Variants in BLM observed in about 807,000 individuals in gnomAD.
BLM encodes the protein BLM RecQ like helicase.
A neutral mutation model predicts 135.3 loss-of-function variants in BLM; 95 were observed. The observed-to-expected ratio is 0.70, with a 90% CI of 0.59 to 0.83. The LOEUF is 0.83. BLM is among the 40% of genes least tolerant of loss of function. The pLI is 0.00. For synonymous variants in BLM, 520 were observed against 589.2 expected (o/e 0.88, Z 1.70); for missense variants, 1,518 against 1,663.9 (o/e 0.91, Z 1.53).
intron 12 of BLM, among the ~76,000 whole-genome samples, chr15:90,774,540 A>C (rs751380739): frequency 6.6e-6 from 1 of 151,946 alleles, no homozygotes; most frequent in Non-Finnish European, 1.5e-5. Flanking sequence ...TCTGTTATAA[A>C]AGTACAGGTC....
At chr15:90,743,376 G>C (rs867809976) in intron 1 of BLM, among the ~76,000 whole-genome samples, 8 of 152,256 alleles carry the variant, frequency 5.3e-5, no homozygotes, top group Middle Eastern at 3.4e-3. Context: ...GATTCTTGTG[G>C]TCATTCTAAT....
intron 19 of BLM, among the ~76,000 whole-genome samples, chr15:90,806,819 A>G (rs1322169302): frequency 2.6e-5 from 4 of 152,202 alleles, no homozygotes; most frequent in Admixed American, 6.5e-5. Flanking sequence ...GGTCATTACA[A>G]TATTTCACTG....
chr15:90,748,354 C>T (rs1356755878), intron 2 of BLM, among the ~76,000 whole-genome samples: 1 of 149,144 alleles, frequency 6.7e-6, no homozygotes, highest in Non-Finnish European at 1.5e-5. Flanking sequence ...GTGATCCGCC[C>T]ACCTTGGCCT....
chr15:90,755,624 G>T (rs1485688042), intron 5 of BLM, among the ~76,000 whole-genome samples: 2 of 151,978 alleles, frequency 1.3e-5, no homozygotes, highest in East Asian at 3.9e-4. Context: ...ACATCCTCTT[G>T]TAGACATTTT....
intron 1 of BLM, among the ~76,000 whole-genome samples, chr15:90,728,608 G>A (rs1164976977): frequency 6.6e-6 from 1 of 151,148 alleles, no homozygotes; most frequent in African/African-American, 2.4e-5. Context: ...GTTTCACCAT[G>A]TTGGCCAGGC....
chr15:90,791,643 AT>A (rs568509877), intron 15 of BLM, among the ~76,000 whole-genome samples: 33 of 146,890 alleles, frequency 2.2e-4, no homozygotes, highest in South Asian at 4.3e-4. Context: ...CTTATATAAG[AT>A]TTTTTTTTTT....
intron 12 of BLM, among the ~76,000 whole-genome samples, chr15:90,773,784 C>G (rs1896394698): frequency 6.6e-6 from 1 of 152,120 alleles, no homozygotes; most frequent in Admixed American, 6.5e-5. Context: ...TAAGGTTCCT[C>G]CATGTTGTAG....
intron 2 of BLM, among the ~76,000 whole-genome samples, chr15:90,749,050 C>T (rs954388349): frequency 6.6e-6 from 1 of 152,276 alleles, no homozygotes; most frequent in South Asian, 2.1e-4. Context: ...TGAGCCACTG[C>T]ACCCGGCCTC....
chr15:90,752,799 G>T (rs1377985197), intron 4 of BLM, among the ~76,000 whole-genome samples: 2 of 152,168 alleles, frequency 1.3e-5, no homozygotes, highest in African/African-American at 4.8e-5. Flanking sequence ...TTGAGTGGTA[G>T]AGTATAGTAT....
chr15:90,811,421 A>T lies in BLM; in HGVS notation c.4076+15A>T, dbSNP rs1897418799. Reference sequence around the variant, plus strand: ...AAGGCAAAGGGGTATGTTTTGTGACATCTTTTTCAATATAGGGAACAAGGG... The same window carrying T: ...AAGGCAAAGGGGTATGTTTTGTGACTTCTTTTTCAATATAGGGAACAAGGG... On this transcript the variant is annotated intron_variant, in intron 21 of 21. Coordinates refer to ENST00000355112, the MANE Select transcript of BLM (RefSeq NM_000057.4). 1.9e-6 allele frequency: 3 copies of T among 1,612,458 alleles called. No homozygotes were observed. Among genetic ancestry groups the T allele is most frequent in the Non-Finnish European group, 8.5e-7 (1 of 1,178,568 alleles).
At chr15:90,769,030 A>C in intron 10 of BLM, 103 bp from the exon 11 acceptor site, 26 of 1,041,040 alleles carry the variant, frequency 2.5e-5, no homozygotes, top group Non-Finnish European at 3.5e-5. Context: ...CCGGCCTTAT[A>C]GAGGTTTTAA....
chr15:90,785,782 C>T (rs546941333), intron 14 of BLM, among the ~76,000 whole-genome samples: 1 of 152,168 alleles, frequency 6.6e-6, no homozygotes, highest in Admixed American at 6.5e-5. Flanking sequence ...ATCCACCTGC[C>T]TCAGCCTCCC....
chr15:90,780,080 T>C (rs548613859), intron 12 of BLM, among the ~76,000 whole-genome samples: 130 of 142,074 alleles, frequency 9.2e-4, no homozygotes, highest in African/African-American at 3.5e-3. Flanking sequence ...AAGCAGGATG[T>C]CTTTTTTTTT....
Position 90,754,814 on chromosome 15 carries a change from G to GT in BLM, c.965dup (p.Leu322PhefsTer5). The GT allele has an allele frequency of 6.2e-7, 1 of 1,613,524 alleles. No individual in the cohort carries two copies. Reference sequence around the variant, plus strand: ...TTAACATTTTTTTTATTTGCAGTACGTTAAAGGACCTTGACACCTCTGACA... The same window carrying GT: ...TTAACATTTTTTTTATTTGCAGTACGTTTAAAGGACCTTGACACCTCTGACA... On this transcript the variant is annotated frameshift_variant, in exon 5 of 22. Coordinates refer to ENST00000355112, the MANE Select transcript of BLM (RefSeq NM_000057.4). LOFTEE classifies it high-confidence loss of function.
chr15:90,812,189 T>C (rs1274634965), intron 21 of BLM, among the ~76,000 whole-genome samples: 1 of 152,124 alleles, frequency 6.6e-6, no homozygotes, highest in African/African-American at 2.4e-5. Flanking sequence ...ATCTCCACCT[T>C]GAAGCACGTG....
At chr15:90,721,288 A>G (rs557619622) in intron 1 of BLM, among the ~76,000 whole-genome samples, 1 of 152,026 alleles carries the variant, frequency 6.6e-6, no homozygotes, top group Non-Finnish European at 1.5e-5. Flanking sequence ...TGTGTTTTTA[A>G]TATTAATCAT....
intron 5 of BLM, among the ~76,000 whole-genome samples, chr15:90,759,682 C>G (rs1328771048): frequency 6.6e-6 from 1 of 152,026 alleles, no homozygotes; most frequent in Non-Finnish European, 1.5e-5. Flanking sequence ...TCTCAGCTCA[C>G]TGCAACCTCC....
intron 12 of BLM, among the ~76,000 whole-genome samples, chr15:90,775,129 T>A (rs1038712525): frequency 1.3e-5 from 2 of 152,076 alleles, no homozygotes; most frequent in African/African-American, 4.8e-5. Flanking sequence ...GGAGAGATGA[T>A]GCTGGTGGAA....
rs566423345 is a variant in BLM at position 90,764,875 on chromosome 15, A to C, written c.2075-421A>C. Among the ~76,000 whole-genome samples the C allele has an allele frequency of 3.3e-5, 5 of 152,224 alleles. No homozygotes were observed. The South Asian group carries it at 1.0e-3, about 32-fold the overall frequency. Reference sequence around the variant, plus strand: ...GGCAGGTGGATTACCTGAGGTCAGGAGTTCAAGACCAGCCTGGCCAATGTC... The same window carrying C: ...GGCAGGTGGATTACCTGAGGTCAGGCGTTCAAGACCAGCCTGGCCAATGTC... On this transcript the variant is annotated intron_variant, in intron 8 of 21. Transcript: ENST00000355112.
Sources: gnomAD v4.1 joint callset for allele counts (sites outside exome capture counted in the v4.1 genomes callset) on GRCh38, gnomAD v4.1.1 for gene constraint, MANE v1.5 for transcripts, NCBI Gene and HGNC (gene_info 2026-07-23, HGNC 2026-07-21) for gene names.